QPCT: variants seen among roughly 807,000 people sequenced by gnomAD.
QPCT encodes the protein EC.
Under a neutral mutation model 43.4 loss-of-function variants are expected in QPCT, and 44 were observed. That is an observed-to-expected ratio of 1.01 (90% CI 0.80 to 1.30). QPCT has a LOEUF of 1.30. Ranked by LOEUF, QPCT falls within the 50% of genes most tolerant of loss-of-function variation. The probability of loss-of-function intolerance (pLI) is 0.00; values close to 1 mark genes in which losing one functional copy is unlikely to be tolerated. For missense variants in QPCT, 526 were observed against 436.5 expected (o/e 1.21, Z -1.83); for synonymous variants, 168 against 168.4 (o/e 1.00, Z 0.02).
At chr2:37,351,085 T>C (rs1672612042) in intron 1 of QPCT, among the ~76,000 whole-genome samples, 1 of 152,188 alleles carries the variant, frequency 6.6e-6, no homozygotes, top group South Asian at 2.1e-4. Context: ...TGAGTGTAAA[T>C]AATTAGGCAA....
chr2:37,348,038 ATC>A, intron 1 of QPCT, among the ~76,000 whole-genome samples: 1 of 150,624 alleles, frequency 6.6e-6, no homozygotes, highest in African/African-American at 2.4e-5. Context: ...TTTTATTTCT[ATC>A]TCTCTCTCTC....
In QPCT at chr2:37,367,275, T is replaced by C. The variant is rs776659978; in HGVS notation, c.590T>C (p.Phe197Ser). The C allele has an allele frequency of 6.2e-7, 1 of 1,614,084 alleles. No homozygotes were observed. The highest frequency in any genetic ancestry group is 1.3e-5 in the African/African-American group (1 of 75,024). Residue 197 changes from phenylalanine (F) to serine (S), a missense_variant, in exon 4 of 7, where the codon TTC becomes TCC. Coordinates refer to ENST00000338415, the MANE Select transcript of QPCT (RefSeq NM_012413.4). ...SKPDLSLQLI[F>S]FDGEEAFLHW... ...CCAGATTTGTCACTCCAGCTGATCT[T>C]CTTTGATGGTGAAGAGGCTTTTCTT...
chr2:37,352,818 A>G lies in QPCT; in HGVS notation c.150A>G (p.Ser50=). 5 of 1,614,174 alleles carry G rather than the reference A, an allele frequency of 3.1e-6. No individual in the cohort carries two copies. Among genetic ancestry groups the G allele is most frequent in the Non-Finnish European group, 4.2e-6 (5 of 1,179,992 alleles). ...KNYHQPAILN[S]SALRQIAEGT... ...ACCACCAGCCAGCCATTTTGAATTC[A>G]TCGGCTCTTCGGCAAATTGCAGAAG... Residue 50 remains serine (S), a synonymous_variant, in exon 2 of 7, where the codon TCA becomes TCG. Transcript: ENST00000338415.
In QPCT at chr2:37,344,700, CG is replaced by C; in HGVS notation, c.-28del. 1.9e-6 allele frequency: 3 copies of C among 1,579,828 alleles called. No homozygotes were observed. Among genetic ancestry groups the C allele is most frequent in the East Asian group, 2.4e-5 (1 of 42,424 alleles). ...CCCGGGCTCGTGACCGCCAGCGGCC[CG>C]GGGAACCCGCTCCCAGACAGACTCG... is the stretch of plus-strand genomic sequence containing the variant. On this transcript the variant is annotated 5_prime_UTR_variant, in exon 1 of 7. Coordinates refer to ENST00000338415, the MANE Select transcript of QPCT (RefSeq NM_012413.4).
intron 1 of QPCT, among the ~76,000 whole-genome samples, chr2:37,348,065 TGTG>T (rs1672543175): frequency 1.3e-4 from 6 of 46,434 alleles, no homozygotes; most frequent in African/African-American, 3.4e-4. Flanking sequence ...CGCGCACGCG[TGTG>T]TGTGTGTGTG....
chr2:37,365,455 G>A (rs1672942591), intron 3 of QPCT, among the ~76,000 whole-genome samples: 3 of 152,210 alleles, frequency 2.0e-5, no homozygotes, highest in South Asian at 4.1e-4. Context: ...ACCCAACTGG[G>A]CTAAGTTTAA....
chr2:37,345,530 C>T (rs72864834), intron 1 of QPCT, among the ~76,000 whole-genome samples: 1 of 152,080 alleles, frequency 6.6e-6, no homozygotes, highest in Non-Finnish European at 1.5e-5. Context: ...TTGCAAGTTC[C>T]CTCTGTAAGA....
chr2:37,344,771 C>T lies in QPCT; in HGVS notation c.40C>T (p.His14Tyr), dbSNP rs1011095798. Reference protein sequence around the residue: ...GRHRRVVGTLHLLLLVAALPW... With the variant: ...GRHRRVVGTLYLLLLVAALPW... The stretch of plus-strand genomic sequence containing the variant: ...ACACCGGCGCGTCGTGGGCACCCTC[C>T]ACCTGCTGCTGCTGGTGGCCGCCCT... Residue 14 changes from histidine to tyrosine, a missense_variant, in exon 1 of 7, where the codon CAC becomes TAC. Coordinates refer to ENST00000338415, the MANE Select transcript of QPCT (RefSeq NM_012413.4). 6 of 1,609,398 alleles carry T rather than the reference C, an allele frequency of 3.7e-6. No homozygotes were observed. In the Admixed American group the frequency reaches 6.7e-5, roughly 18 times the overall value.
intron 1 of QPCT, among the ~76,000 whole-genome samples, chr2:37,352,083 A>G (rs756009050): frequency 2.6e-5 from 4 of 152,024 alleles, no homozygotes; most frequent in Non-Finnish European, 4.4e-5. Flanking sequence ...TTTTTCTAGT[A>G]GCTACATTAA....
Position 37,347,202 on chromosome 2 carries a change from T to TAAC in QPCT, c.120+2352_120+2353insACA, listed in dbSNP as rs1196059048. Among the ~76,000 whole-genome samples, 7 of 90,068 alleles carry TAAC rather than the reference T, an allele frequency of 7.8e-5. 1 individual carries two copies. Among genetic ancestry groups the TAAC allele is most frequent in the Admixed American group, 3.7e-4 (2 of 5,370 alleles). 59.1% of individuals were successfully genotyped at this position (90,068 alleles called of 152,430 possible). A position where few individuals can be genotyped will look rare whatever the true frequency, so the allele number is the denominator to read the frequency against. ...ATAACATATATATATAACATATATA[T>TAAC]ATAACATATATATAACATATATATA... On this transcript the variant is annotated intron_variant, in intron 1 of 6. Transcript: ENST00000338415.
chr2:37,363,463 A>AG (rs1384572276), intron 3 of QPCT, among the ~76,000 whole-genome samples: 17 of 149,564 alleles, frequency 1.1e-4, no homozygotes, highest in African/African-American at 3.9e-4. Flanking sequence ...TCTCTACAAA[A>AG]AAAAAAAAAA....
At position 37,359,829 on chromosome 2, in the gene QPCT, G is replaced by A; in HGVS notation, c.517G>A (p.Ala173Thr). ...PCAMMLELAR[A>T]LDKKLLSLKT... Reference sequence around the variant, plus strand: ...TGCAATGATGTTGGAACTTGCTCGTGCCTTAGACAAGAAACTCCTTTCCTT... The same window carrying A: ...TGCAATGATGTTGGAACTTGCTCGTACCTTAGACAAGAAACTCCTTTCCTT... Residue 173 changes from alanine to threonine, a missense_variant, in exon 3 of 7, where the codon GCC becomes ACC. Ala to Thr is a moderately conservative substitution (Grantham distance 58, BLOSUM62 0). Transcript: ENST00000338415. The A allele has an allele frequency of 1.2e-6, 2 of 1,614,158 alleles. No individual in the cohort carries two copies. Among genetic ancestry groups the A allele is most frequent in the South Asian group, 1.1e-5 (1 of 91,082 alleles).
intron 1 of QPCT, among the ~76,000 whole-genome samples, chr2:37,349,758 GCAGGTAGCCAC>G (rs1672580396): frequency 6.6e-6 from 1 of 152,162 alleles, no homozygotes; most frequent in Non-Finnish European, 1.5e-5. Context: ...GGCCATTGCA[GCAGGTAGCCAC>G]CTGTCTCTTC....
At position 37,352,773 on chromosome 2, in the gene QPCT, T is replaced by A. The variant is rs780525868; in HGVS notation, c.121-16T>A. On this transcript the variant is annotated splice_polypyrimidine_tract_variant and intron_variant, in intron 1 of 6. Coordinates refer to ENST00000338415, the MANE Select transcript of QPCT (RefSeq NM_012413.4). Reference sequence around the variant, plus strand: ...ATGAAAGGATAGCTAGTTAAATGATTTCATTCAATCCTCAGAATTACCACC... The same window carrying A: ...ATGAAAGGATAGCTAGTTAAATGATATCATTCAATCCTCAGAATTACCACC... 5 of 1,611,596 alleles carry A rather than the reference T, an allele frequency of 3.1e-6. No individual in the cohort carries two copies. The highest frequency in any genetic ancestry group is 1.3e-5 in the African/African-American group (1 of 75,026).
At chr2:37,360,164 G>A (rs1672833098) in intron 3 of QPCT, 2 of 342,452 alleles carry the variant, frequency 5.8e-6, no homozygotes, top group Non-Finnish European at 1.1e-5. Context: ...TATAGTATGA[G>A]AATTGTGTTT....
intron 1 of QPCT, among the ~76,000 whole-genome samples, chr2:37,348,034 T>TTCTCTC (rs1176499849): frequency 3.9e-5 from 3 of 76,656 alleles, no homozygotes; most frequent in African/African-American, 1.2e-4. Context: ...GTGTTTTTAT[T>TTCTCTC]TCTATCTCTC....
At chr2:37,365,309 A>G (rs535873412) in intron 3 of QPCT, among the ~76,000 whole-genome samples, 1 of 152,174 alleles carries the variant, frequency 6.6e-6, no homozygotes, top group Non-Finnish European at 1.5e-5. Flanking sequence ...AAGTGTAGCC[A>G]GGAGGGAGTA....
At position 37,344,720 on chromosome 2, in the gene QPCT, A is replaced by G; in HGVS notation, c.-12A>G. ...CGGCCCGGGGAACCCGCTCCCAGACAGACTCGGAGAGATGGCAGGCGGAAG... is the reference window on the plus strand; with the variant it reads ...CGGCCCGGGGAACCCGCTCCCAGACGGACTCGGAGAGATGGCAGGCGGAAG... On this transcript the variant is annotated 5_prime_UTR_variant, in exon 1 of 7. Coordinates refer to ENST00000338415, the MANE Select transcript of QPCT (RefSeq NM_012413.4). 2.5e-6 allele frequency: 4 copies of G among 1,596,920 alleles called. No homozygotes were observed. The highest frequency in any genetic ancestry group is 2.6e-6 in the Non-Finnish European group (3 of 1,172,972).
Position 37,353,202 on chromosome 2 carries a change from A to T in QPCT, c.267+267A>T, listed in dbSNP as rs148486658. ...CCTTCACTCTTGACCATTCAATAGC[A>T]CACCCCGAGGCTCCCAATTAAGTTT... On this transcript the variant is annotated intron_variant, in intron 2 of 6. Coordinates refer to ENST00000338415, the MANE Select transcript of QPCT (RefSeq NM_012413.4). Among the ~76,000 whole-genome samples, 4 of 152,322 alleles carry T rather than the reference A, an allele frequency of 2.6e-5. No individual in the cohort carries two copies. In the East Asian group the frequency reaches 5.8e-4, roughly 22 times the overall value.
Sources: allele counts gnomAD v4.1 joint callset (sites outside exome capture counted in the v4.1 genomes callset), GRCh38; gene constraint gnomAD v4.1.1; transcripts MANE v1.5; gene names NCBI Gene and HGNC (gene_info 2026-07-23, HGNC 2026-07-21).